The following PRKG1 variants were observed in gnomAD, a reference collection of about 807,000 sequenced individuals.
The protein encoded by PRKG1 is protein kinase cGMP-dependent 1.
PRKG1 carries 35 observed loss-of-function variants against 88.1 expected under a neutral mutation model. The ratio of observed to expected loss-of-function variants is 0.40; its 90% CI spans 0.30 to 0.53. The LOEUF (loss-of-function observed/expected upper bound fraction) is 0.53, where lower values mean the gene tolerates loss of function less well. Ranked by LOEUF, PRKG1 falls within the 20% of genes least tolerant of loss-of-function variation. The pLI, the probability that PRKG1 is intolerant of heterozygous loss-of-function variation, is 0.59. For missense variants in PRKG1, 540 were observed against 839.8 expected, an observed-to-expected ratio of 0.64 and a Z score of 4.41; for synonymous variants, 303 against 292.5, an observed-to-expected ratio of 1.04 and a Z score of -0.37.
rs1564509165 is a variant in PRKG1, at chr10:52,188,290, GTATATATATATGTA to G, written c.1076+26336_1076+26349del. On this transcript the variant is annotated intron_variant, in intron 9 of 17. Transcript: ENST00000373980. ...TATGTATATATATACATATATATGT[GTATATATATATGTA>G]TATATATACATATGTATATATATAC... 8.4e-4 allele frequency among the ~76,000 whole-genome samples: 12 copies of G among 14,296 alleles called. No individual in the cohort carries two copies. In the South Asian group the frequency reaches 0.02, roughly 24 times the overall value. 9.4% of individuals were successfully genotyped at this position (14,296 alleles called of 152,430 possible). A position where few individuals can be genotyped will look rare whatever the true frequency, so the allele number is the denominator to read the frequency against.
At chr10:51,194,501 A>G (rs1434927379) in intron 2 of PRKG1, among the ~76,000 whole-genome samples, 1 of 151,952 alleles carries the variant, frequency 6.6e-6, no homozygotes, top group Non-Finnish European at 1.5e-5. Context: ...TCCTCTGTTG[A>G]ATATTGTAAA....
intron 7 of PRKG1, among the ~76,000 whole-genome samples, chr10:52,117,356 A>G (rs1847713883): frequency 6.6e-6 from 1 of 152,064 alleles, no homozygotes; most frequent in African/African-American, 2.4e-5. Flanking sequence ...GCAATGCTGT[A>G]AGTGACACTG....
At chr10:51,592,763 A>AT (rs1253065240) in intron 3 of PRKG1, among the ~76,000 whole-genome samples, 2 of 152,148 alleles carry the variant, frequency 1.3e-5, no homozygotes, top group Admixed American at 6.5e-5. Flanking sequence ...GAGGACTTTT[A>AT]TTTTTTAATT....
chr10:52,175,489 C>G (rs1164766231), intron 9 of PRKG1, among the ~76,000 whole-genome samples: 2 of 151,918 alleles, frequency 1.3e-5, no homozygotes, highest in Non-Finnish European at 2.9e-5. Flanking sequence ...TACTGATTTC[C>G]TTTTCTTTGG....
At chr10:51,668,974 T>A (rs1840489696) in intron 3 of PRKG1, among the ~76,000 whole-genome samples, 1 of 152,190 alleles carries the variant, frequency 6.6e-6, no homozygotes, top group African/African-American at 2.4e-5. Flanking sequence ...TCAGGAGATA[T>A]TACTTTCATG....
intron 7 of PRKG1, among the ~76,000 whole-genome samples, chr10:52,094,944 T>A (rs1847139779): frequency 6.6e-6 from 1 of 152,112 alleles, no homozygotes; most frequent in South Asian, 2.1e-4. Flanking sequence ...TGAATTGGAG[T>A]GTTTTCTTGT....
chr10:51,534,578 A>C (rs545408011), intron 3 of PRKG1, among the ~76,000 whole-genome samples: 1 of 149,948 alleles, frequency 6.7e-6, no homozygotes, highest in East Asian at 2.0e-4. Flanking sequence ...GAGACAGGAG[A>C]ATGGCGTGAA....
chr10:51,160,888 GTGTGTGTCTGTGTGTGTGTGCA>G (rs773659691), intron 2 of PRKG1, among the ~76,000 whole-genome samples: 10,130 of 151,802 alleles, frequency 0.067, 700 homozygotes, highest in African/African-American at 0.17. Context: ...GTGTGTGTGT[GTGTGTGTCTGTGTGTGTGTGCA>G]TGTGTGTGTC....
At chr10:51,538,456 A>G (rs1446285960) in intron 3 of PRKG1, among the ~76,000 whole-genome samples, 2 of 72,412 alleles carry the variant, frequency 2.8e-5, no homozygotes, top group East Asian at 8.7e-4. Context: ...TATATATTAT[A>G]TAATATATAA....
At chr10:51,896,526 A>G (rs1841850258) in intron 4 of PRKG1, among the ~76,000 whole-genome samples, 2 of 149,514 alleles carry the variant, frequency 1.3e-5, no homozygotes, top group East Asian at 2.0e-4. Context: ...CTGGGTTCAT[A>G]GTGAGACCCT....
At chr10:52,181,078 G>A (rs528930164) in intron 9 of PRKG1, among the ~76,000 whole-genome samples, 21 of 152,198 alleles carry the variant, frequency 1.4e-4, no homozygotes, top group Non-Finnish European at 2.8e-4. Context: ...GACTTGGGAT[G>A]TGGGTGCACA....
At chr10:51,601,308 G>T (rs185342597) in intron 3 of PRKG1, among the ~76,000 whole-genome samples, 44 of 152,100 alleles carry the variant, frequency 2.9e-4, no homozygotes, top group Non-Finnish European at 4.6e-4. Context: ...TTATTGTCAA[G>T]GAATAGTTTG....
chr10:51,979,654 A>C (rs1843954897), intron 5 of PRKG1, among the ~76,000 whole-genome samples: 1 of 110,160 alleles, frequency 9.1e-6, no homozygotes, highest in Admixed American at 1.0e-4. Context: ...GCCATTTATT[A>C]CTGCTTCAAT....
chr10:51,711,948 A>G (rs1440365344), intron 3 of PRKG1, among the ~76,000 whole-genome samples: 1 of 152,110 alleles, frequency 6.6e-6, no homozygotes, highest in Non-Finnish European at 1.5e-5. Context: ...GGAAAAATAT[A>G]TTTTCCTCAC....
intron 9 of PRKG1, among the ~76,000 whole-genome samples, chr10:52,231,864 G>C (rs1840531254): frequency 6.6e-6 from 1 of 152,152 alleles, no homozygotes; most frequent in Non-Finnish European, 1.5e-5. Flanking sequence ...ACTATTTCAA[G>C]TCCTTTCTCT....
chr10:51,165,027 A>G (rs887469320), intron 2 of PRKG1, among the ~76,000 whole-genome samples: 1 of 152,190 alleles, frequency 6.6e-6, no homozygotes, highest in African/African-American at 2.4e-5. Context: ...GCCAACATTC[A>G]GATTCAGGAA....
intron 2 of PRKG1, among the ~76,000 whole-genome samples, chr10:51,154,307 G>T (rs1322817571): frequency 6.6e-6 from 1 of 151,804 alleles, no homozygotes; most frequent in Non-Finnish European, 1.5e-5. Context: ...GTGATATCTG[G>T]AGACATTTTT....
chr10:51,656,853 G>A (rs2132323353), intron 3 of PRKG1, among the ~76,000 whole-genome samples: 1 of 152,190 alleles, frequency 6.6e-6, no homozygotes, highest in East Asian at 1.9e-4. Flanking sequence ...CTACATGCTA[G>A]TGTCAATTAG....
At chr10:51,101,872 G>C (rs758558436) in intron 1 of PRKG1, among the ~76,000 whole-genome samples, 4 of 152,158 alleles carry the variant, frequency 2.6e-5, no homozygotes, top group Non-Finnish European at 5.9e-5. Context: ...TAAAATTGAG[G>C]CTAAAAATAG....
Sources: allele counts gnomAD v4.1 joint callset (sites outside exome capture counted in the v4.1 genomes callset), GRCh38; gene constraint gnomAD v4.1.1; transcripts MANE v1.5; gene names NCBI Gene and HGNC (gene_info 2026-07-23, HGNC 2026-07-21).